Variants in CREB3L2 observed in about 807,000 individuals in gnomAD.
The protein encoded by CREB3L2 is cyclic AMP-responsive element-binding protein 3-like protein 2.
In CREB3L2, 23 loss-of-function variants were observed where a neutral mutation model predicts 57.2. The observed-to-expected ratio is 0.40, with a 90% CI of 0.29 to 0.57. The LOEUF (loss-of-function observed/expected upper bound fraction) is 0.57, where lower values mean the gene tolerates loss of function less well. Ranked by LOEUF, CREB3L2 falls within the 20% of genes least tolerant of loss-of-function variation. The pLI is 0.42. For missense variants in CREB3L2, 628 were observed against 634.7 expected, an observed-to-expected ratio of 0.99 and a Z score of 0.11; for synonymous variants, 268 against 265.1, an observed-to-expected ratio of 1.01 and a Z score of -0.11.
intron 8 of CREB3L2, among the ~76,000 whole-genome samples, chr7:137,896,660 A>G (rs1166889848): frequency 1.3e-5 from 2 of 152,142 alleles, no homozygotes; most frequent in East Asian, 3.9e-4. Flanking sequence ...ATCACAGATG[A>G]ATCCATTGCC....
At chr7:137,972,368 G>C (rs1292538219) in intron 1 of CREB3L2, among the ~76,000 whole-genome samples, 1 of 151,538 alleles carries the variant, frequency 6.6e-6, no homozygotes, top group Non-Finnish European at 1.5e-5. Context: ...AACTCAGGAG[G>C]CAGAGGTTGC....
intron 1 of CREB3L2, among the ~76,000 whole-genome samples, chr7:137,992,236 C>T (rs981226231): frequency 2.6e-5 from 4 of 152,148 alleles, no homozygotes; most frequent in Admixed American, 2.6e-4. Context: ...TCCACACAGT[C>T]GAAAAGATTA....
At position 137,882,420 on chromosome 7, in the gene CREB3L2, C is replaced by A. The variant is rs1378905326; in HGVS notation, c.1479G>T (p.Gln493His). The change falls in exon 11 of 12, where the codon CAG becomes CAT. Residue 493 changes from glutamine to histidine, a missense_variant. Gln to His is a conservative substitution (Grantham distance 24, BLOSUM62 0). This residue lies in a region of CREB3L2 where 272 missense variants were observed against 242.7 expected (regional missense o/e 1.12). Transcript: ENST00000330387. ...GTGTCTCTATGACTCACAGGTGCTG[C>A]TGCAGCTCCAAAAGCACTGACTTCT... ...SLEKSVLLEL[Q>H]QHLVSAKLEG... The A allele has an allele frequency of 1.2e-6, 2 of 1,612,502 alleles. No homozygotes were observed. The highest frequency in any genetic ancestry group is 1.7e-6 in the Non-Finnish European group (2 of 1,178,822).
intron 8 of CREB3L2, 69 bp from the exon 9 acceptor site, chr7:137,885,571 G>T: frequency 7.9e-7 from 1 of 1,269,930 alleles, no homozygotes; most frequent in Non-Finnish European, 1.1e-6. Context: ...CTCTCCATGT[G>T]ACCCAAGAAG....
intron 7 of CREB3L2, among the ~76,000 whole-genome samples, chr7:137,902,470 C>T (rs898539110): frequency 2.6e-5 from 4 of 152,156 alleles, no homozygotes; most frequent in African/African-American, 4.8e-5. Context: ...TGCTGGGGCA[C>T]GCATGCCCAA....
chr7:137,930,498 TC>T (rs1800593168), intron 1 of CREB3L2, among the ~76,000 whole-genome samples: 1 of 152,220 alleles, frequency 6.6e-6, no homozygotes, highest in Non-Finnish European at 1.5e-5. Context: ...ATGGGAGATG[TC>T]CCTAGAGCTG....
At chr7:137,904,376 C>CA (rs1457463436) in intron 6 of CREB3L2, among the ~76,000 whole-genome samples, 17 of 152,034 alleles carry the variant, frequency 1.1e-4, no homozygotes, top group Admixed American at 7.9e-4. Flanking sequence ...ATTAAAAATA[C>CA]AAAAAAATGG....
chr7:137,922,357 A>T (rs1800301034), intron 2 of CREB3L2, among the ~76,000 whole-genome samples: 1 of 135,226 alleles, frequency 7.4e-6, no homozygotes. Flanking sequence ...TGTATCAGAT[A>T]CTTTCTGGTT....
intron 1 of CREB3L2, among the ~76,000 whole-genome samples, chr7:137,943,529 C>T (rs1447544249): frequency 6.6e-6 from 1 of 152,166 alleles, no homozygotes; most frequent in Non-Finnish European, 1.5e-5. Context: ...CTACTTTCTC[C>T]TCAACCAAAC....
chr7:137,988,841 C>T (rs1168362753), intron 1 of CREB3L2, among the ~76,000 whole-genome samples: 1 of 151,852 alleles, frequency 6.6e-6, no homozygotes, highest in Non-Finnish European at 1.5e-5. Context: ...CGCCTGCAAT[C>T]CCAGCACTTT....
chr7:137,969,791 C>CACACAAACACAT, intron 1 of CREB3L2, among the ~76,000 whole-genome samples: 1 of 148,674 alleles, frequency 6.7e-6, no homozygotes, highest in East Asian at 2.0e-4. Context: ...CACACACACA[C>CACACAAACACAT]ACAACATACA....
chr7:137,986,081 G>T lies in CREB3L2; in HGVS notation c.102+15523C>A, dbSNP rs528705447. ...CCAGACATAGTGACACTTTACTTAT[G>T]TCATTTATCTTCCTCCACCATGGCC... On this transcript the variant is annotated intron_variant, in intron 1 of 11. Coordinates refer to ENST00000330387, the MANE Select transcript of CREB3L2 (RefSeq NM_194071.4). Among the ~76,000 whole-genome samples, 78 of 152,312 alleles carry T rather than the reference G, an allele frequency of 5.1e-4. 1 individual carries two copies. The highest frequency in any genetic ancestry group is 1.2e-3 in the Admixed American group (19 of 15,302).
intron 1 of CREB3L2, among the ~76,000 whole-genome samples, chr7:138,000,121 C>G (rs1802050720): frequency 6.6e-6 from 1 of 152,206 alleles, no homozygotes; most frequent in African/African-American, 2.4e-5. Flanking sequence ...GAAAGACAAC[C>G]CCCTAGCTGT....
intron 1 of CREB3L2, chr7:137,999,841 A>T (rs1802047316): frequency 6.6e-6 from 1 of 152,244 alleles, no homozygotes; most frequent in Admixed American, 6.5e-5. Flanking sequence ...GCATTTTTTA[A>T]AAATAGAAAT....
intron 1 of CREB3L2, among the ~76,000 whole-genome samples, chr7:137,972,465 G>C (rs925406526): frequency 4.0e-5 from 6 of 151,102 alleles, no homozygotes; most frequent in African/African-American, 7.3e-5. Flanking sequence ...ACAAAACAGA[G>C]AGATGTCTTT....
intron 1 of CREB3L2, among the ~76,000 whole-genome samples, chr7:137,988,051 G>C (rs145327149): frequency 1.3e-5 from 2 of 152,192 alleles, no homozygotes; most frequent in Non-Finnish European, 2.9e-5. Context: ...TGTGAAGGGT[G>C]GCCCTTTCCT....
chr7:137,916,098 A>C, intron 2 of CREB3L2, 86 bp from the exon 3 acceptor site: 2 of 1,081,458 alleles, frequency 1.8e-6, no homozygotes, highest in South Asian at 3.4e-5. Context: ...CTTTCTCCCC[A>C]AAAAAGCTCA....
chr7:137,922,431 TATATAC>T (rs1800336465), intron 2 of CREB3L2, among the ~76,000 whole-genome samples: 2 of 48,520 alleles, frequency 4.1e-5, no homozygotes, highest in African/African-American at 3.2e-4. Flanking sequence ...TATATATATA[TATATAC>T]GTATATATAT....
At chr7:137,952,458 T>C (rs986090709) in intron 1 of CREB3L2, among the ~76,000 whole-genome samples, 8 of 152,214 alleles carry the variant, frequency 5.3e-5, no homozygotes, top group African/African-American at 1.9e-4. Context: ...AGAAACAGTG[T>C]CCATGACCCC....
Sources: allele counts gnomAD v4.1 joint callset (sites outside exome capture counted in the v4.1 genomes callset), GRCh38; gene constraint gnomAD v4.1.1; regional missense constraint gnomAD v4.1.1; transcripts MANE v1.5; gene names NCBI Gene and HGNC (gene_info 2026-07-23, HGNC 2026-07-21).